Variants in MAP7 observed in about 807,000 individuals in gnomAD.
MAP7 encodes the protein ensconsin.
In MAP7, 52 loss-of-function variants were observed where a neutral mutation model predicts 94.8. That is an observed-to-expected ratio of 0.55 (90% CI 0.44 to 0.69). The LOEUF is 0.69. MAP7 is among the 30% of genes least tolerant of loss of function. The pLI is 0.00. For missense variants in MAP7, 940 were observed against 964.6 expected, an observed-to-expected ratio of 0.97 and a Z score of 0.34; for synonymous variants, 350 against 357.0, an observed-to-expected ratio of 0.98 and a Z score of 0.22.
rs867539932 is a variant in MAP7, at chr6:136,361,130, G to A, written c.1576C>T (p.Arg526Cys). ...AGCCTGCGCGACTCCTCCTCACGGCGAGTCGTCCTCTCTTCAGCCACACGT... is the reference window on the plus strand; with the variant it reads ...AGCCTGCGCGACTCCTCCTCACGGCAAGTCGTCCTCTCTTCAGCCACACGT... ...AQRVAEERTTRREEESRRLEA... is the reference protein window; with the variant it reads ...AQRVAEERTTCREEESRRLEA... Residue 526 changes from arginine to cysteine, a missense_variant, in exon 12 of 18, where the codon CGC (arginine) becomes TGC (cysteine). By Grantham distance (180) the Arg-to-Cys change is radical (BLOSUM62 -3). Coordinates refer to ENST00000354570, the MANE Select transcript of MAP7 (RefSeq NM_003980.6). 1 of 1,605,554 alleles carries A rather than the reference G, an allele frequency of 6.2e-7. No homozygotes were observed. The highest frequency in any genetic ancestry group is 8.5e-7 in the Non-Finnish European group (1 of 1,179,934).
intron 10 of MAP7, among the ~76,000 whole-genome samples, chr6:136,365,499 G>A (rs909145609): frequency 3.9e-5 from 6 of 152,284 alleles, no homozygotes; most frequent in South Asian, 4.1e-4. Context: ...TTAAACTCCA[G>A]TATGCACAGG....
chr6:136,346,930 A>G (rs1787864531), intron 16 of MAP7, among the ~76,000 whole-genome samples: 1 of 152,218 alleles, frequency 6.6e-6, no homozygotes, highest in Admixed American at 6.5e-5. Context: ...AAGCCCTTGC[A>G]TAATTTCATA....
intron 1 of MAP7, chr6:136,545,250 A>C (rs186673418): frequency 2.8e-4 from 42 of 152,202 alleles, no homozygotes; most frequent in Non-Finnish European, 7.4e-5. Flanking sequence ...GATTTGGCTA[A>C]TCTGGCTAGG....
chr6:136,396,415 T>C (rs540270269), intron 3 of MAP7, among the ~76,000 whole-genome samples: 1 of 152,308 alleles, frequency 6.6e-6, no homozygotes, highest in East Asian at 1.9e-4. Flanking sequence ...TACCTTGCAA[T>C]TTTACTGAAT....
chr6:136,346,199 A>G lies in MAP7; in HGVS notation c.2016-120T>C, dbSNP rs1172672106. Reference sequence around the variant, plus strand: ...TTATAAATCTACAATTAAAAAAATCAGACTGGTGAGTCACATCATTACTAA... The same window carrying G: ...TTATAAATCTACAATTAAAAAAATCGGACTGGTGAGTCACATCATTACTAA... On this transcript the variant is annotated intron_variant, in intron 16 of 17. Coordinates refer to ENST00000354570, the MANE Select transcript of MAP7 (RefSeq NM_003980.6). 1.1e-5 allele frequency: 7 copies of G among 619,084 alleles called. No individual in the cohort carries two copies. In the East Asian group the frequency reaches 1.4e-4, roughly 12 times the overall value. 38.3% of individuals were successfully genotyped at this position (619,084 alleles called of 1,614,324 possible).
chr6:136,521,125 A>G (rs546335836), intron 1 of MAP7, among the ~76,000 whole-genome samples: 4 of 152,194 alleles, frequency 2.6e-5, no homozygotes, highest in South Asian at 2.1e-4. Context: ...TTGAAGAAAG[A>G]GGACAAGGGT....
Position 136,521,779 on chromosome 6 carries a change from A to G in MAP7, c.67+28563T>C, listed in dbSNP as rs17796240. Among the ~76,000 whole-genome samples, 1,890 of 152,312 alleles carry G rather than the reference A, an allele frequency of 0.012. 83 individuals carry two copies. The East Asian group carries it at 0.14, about 11-fold the overall frequency. ...TCTGTGTGAGCTTCCAACCTCAGCCAGACATTTGGGATGGGATAGGAGTCT... is the reference window on the plus strand; with the variant it reads ...TCTGTGTGAGCTTCCAACCTCAGCCGGACATTTGGGATGGGATAGGAGTCT... On this transcript the variant is annotated intron_variant, in intron 1 of 17. Coordinates refer to ENST00000354570, the MANE Select transcript of MAP7 (RefSeq NM_003980.6).
rs539983016 is a variant in MAP7, at chr6:136,512,617, C to T, written c.67+37725G>A. ...ACAGTGCATACAAAAGTTGTGTTTT[C>T]GTTACGCTGTAGTCTATTAAGTGTG... On this transcript the variant is annotated intron_variant, in intron 1 of 17. Transcript: ENST00000354570. 8.5e-5 allele frequency among the ~76,000 whole-genome samples: 13 copies of T among 152,264 alleles called. No homozygotes were observed. The East Asian group carries it at 1.5e-3, about 18-fold the overall frequency.
intron 1 of MAP7, among the ~76,000 whole-genome samples, chr6:136,520,738 A>C (rs1412230461): frequency 6.6e-6 from 1 of 152,220 alleles, no homozygotes; most frequent in East Asian, 1.9e-4. Flanking sequence ...CTACAGAGTA[A>C]GTCAGAGTTA....
At chr6:136,471,544 G>T (rs545756758) in intron 1 of MAP7, among the ~76,000 whole-genome samples, 11 of 151,776 alleles carry the variant, frequency 7.2e-5, no homozygotes, top group Admixed American at 2.0e-4. Flanking sequence ...GCTGGAAAAG[G>T]AAGTTGCTGG....
chr6:136,413,046 C>T (rs1217774017), intron 2 of MAP7, among the ~76,000 whole-genome samples: 8 of 152,110 alleles, frequency 5.3e-5, no homozygotes, highest in Non-Finnish European at 1.0e-4. Context: ...CCTGTAGTCC[C>T]AGCCATTTGG....
At chr6:136,471,349 T>A (rs1438557712) in intron 1 of MAP7, among the ~76,000 whole-genome samples, 3 of 152,170 alleles carry the variant, frequency 2.0e-5, no homozygotes, top group Admixed American at 6.5e-5. Flanking sequence ...TTCTTAATCG[T>A]AGTTCTTTAT....
intron 1 of MAP7, among the ~76,000 whole-genome samples, chr6:136,499,772 G>C (rs191260302): frequency 6.6e-6 from 1 of 152,270 alleles, no homozygotes; most frequent in East Asian, 1.9e-4. Flanking sequence ...GCCTAGGCAG[G>C]AGGATTGCTT....
At position 136,372,605 on chromosome 6, in the gene MAP7, T is replaced by C. The variant is rs770364619; in HGVS notation, c.772A>G (p.Met258Val). The C allele has an allele frequency of 1.2e-6, 2 of 1,614,086 alleles. No individual in the cohort carries two copies. The highest frequency in any genetic ancestry group is 2.2e-5 in the South Asian group (2 of 91,074). ...GEAASCSPIIMPYKAAHSRNS... is the reference protein window; with the variant it reads ...GEAASCSPIIVPYKAAHSRNS... ...CTAGAGTGTGCAGCTTTGTAGGGCA[T>C]GATGATGGGGCTGCAAGATGCTGAA... The change falls in exon 8 of 18, where the codon ATG (methionine) becomes GTG (valine). Residue 258 changes from methionine to valine, a missense_variant. By Grantham distance (21) the Met-to-Val change is conservative (BLOSUM62 1). Transcript: ENST00000354570.
At chr6:136,532,703 T>C (rs1025690125) in intron 1 of MAP7, among the ~76,000 whole-genome samples, 2 of 152,082 alleles carry the variant, frequency 1.3e-5, no homozygotes, top group African/African-American at 4.8e-5. Context: ...TCGAGTTATA[T>C]AACCAAGAGA....
At chr6:136,399,011 T>C (rs966980268) in intron 3 of MAP7, among the ~76,000 whole-genome samples, 7 of 152,222 alleles carry the variant, frequency 4.6e-5, no homozygotes, top group Non-Finnish European at 1.0e-4. Flanking sequence ...ATTCAGAGAC[T>C]AGAGAAATAT....
chr6:136,434,286 A>G (rs1795763348), intron 1 of MAP7, among the ~76,000 whole-genome samples: 1 of 150,650 alleles, frequency 6.6e-6, no homozygotes, highest in African/African-American at 2.5e-5. Flanking sequence ...CAGCCTGGGC[A>G]ACAGAGCAAG....
chr6:136,388,606 T>C, intron 4 of MAP7, 96 bp from the exon 5 acceptor site: 1 of 888,498 alleles, frequency 1.1e-6, no homozygotes, highest in South Asian at 1.4e-5. Context: ...ACTACTTCAA[T>C]TCCCACTCTA....
chr6:136,513,080 A>C (rs1823746886), intron 1 of MAP7, among the ~76,000 whole-genome samples: 1 of 152,104 alleles, frequency 6.6e-6, no homozygotes, highest in African/African-American at 2.4e-5. Context: ...CCTGGGTTCA[A>C]ATGATCCTCC....
Sources: gnomAD v4.1 joint callset for allele counts (sites outside exome capture counted in the v4.1 genomes callset) on GRCh38, gnomAD v4.1.1 for gene constraint, MANE v1.5 for transcripts, NCBI Gene and HGNC (gene_info 2026-07-23, HGNC 2026-07-21) for gene names.